The following SIL1 variants were observed in gnomAD, a reference collection of about 807,000 sequenced individuals.
SIL1 encodes the protein SIL1 nucleotide exchange factor.
Under a neutral mutation model 49.1 loss-of-function variants are expected in SIL1, and 40 were observed. That is an observed-to-expected ratio of 0.81 (90% CI 0.63 to 1.06). The LOEUF (loss-of-function observed/expected upper bound fraction) is 1.06, where lower values mean the gene tolerates loss of function less well. SIL1 is among the 50% of genes least tolerant of loss of function. The probability of loss-of-function intolerance (pLI) is 0.00; values close to 1 mark genes in which losing one functional copy is unlikely to be tolerated. For missense variants in SIL1, 500 were observed against 572.6 expected, an observed-to-expected ratio of 0.87 and a Z score of 1.29; for synonymous variants, 253 against 250.8, an observed-to-expected ratio of 1.01 and a Z score of -0.08.
In SIL1 at chr5:139,169,888, C is replaced by CTT. The variant is rs1366590527; in HGVS notation, c.-11+28380_-11+28381insAA. On this transcript the variant is annotated intron_variant, in intron 1 of 9. Transcript: ENST00000394817. ...CTCTTTCCACGGTCTCCCTCTCCCT[C>CTT]TCTCTCCACAGTCTCCCTCTGATGC... Among the ~76,000 whole-genome samples, 245 of 150,256 alleles carry CTT rather than the reference C, an allele frequency of 1.6e-3. 1 individual carries two copies. Among genetic ancestry groups the CTT allele is most frequent in the Middle Eastern group, 7.0e-3 (2 of 286 alleles).
chr5:139,108,444 C>T (rs184646485), intron 3 of SIL1, among the ~76,000 whole-genome samples: 10 of 152,294 alleles, frequency 6.6e-5, no homozygotes, highest in South Asian at 4.1e-4. Context: ...GCAACACAAA[C>T]GGACACCTTG....
intron 7 of SIL1, among the ~76,000 whole-genome samples, chr5:138,987,625 G>A (rs917880481): frequency 4.6e-5 from 7 of 152,050 alleles, no homozygotes; most frequent in Admixed American, 6.5e-5. Context: ...TTCCTGCATA[G>A]CCTGGCTCTC....
intron 1 of SIL1, among the ~76,000 whole-genome samples, chr5:139,168,517 G>C (rs888935088): frequency 1.4e-4 from 22 of 152,140 alleles, no homozygotes; most frequent in Non-Finnish European, 3.1e-4. Flanking sequence ...GATTACAGAG[G>C]TGCAGACAAA....
intron 3 of SIL1, among the ~76,000 whole-genome samples, chr5:139,090,626 T>A (rs1397366246): frequency 6.6e-6 from 1 of 152,142 alleles, no homozygotes; most frequent in African/African-American, 2.4e-5. Flanking sequence ...AGCACTTTCT[T>A]TTTTAGACAG....
intron 1 of SIL1, among the ~76,000 whole-genome samples, chr5:139,171,982 A>C (rs1751781488): frequency 6.6e-6 from 1 of 152,190 alleles, no homozygotes; most frequent in African/African-American, 2.4e-5. Context: ...CACTAGAGGA[A>C]TTCAAAGGCA....
chr5:139,111,476 C>G (rs144876345), intron 3 of SIL1, among the ~76,000 whole-genome samples: 3 of 152,294 alleles, frequency 2.0e-5, no homozygotes, highest in Middle Eastern at 3.4e-3. Context: ...GCTCCAATGA[C>G]CCCACCTCAG....
intron 3 of SIL1, among the ~76,000 whole-genome samples, chr5:139,062,502 C>G (rs1398686298): frequency 6.6e-6 from 1 of 152,106 alleles, no homozygotes; most frequent in Non-Finnish European, 1.5e-5. Flanking sequence ...CCCCAGGGAA[C>G]AGCTACCCTG....
At chr5:139,180,082 G>T (rs563760683) in intron 1 of SIL1, among the ~76,000 whole-genome samples, 1 of 137,202 alleles carries the variant, frequency 7.3e-6, no homozygotes, top group African/African-American at 2.5e-5. Context: ...AAAAAAAGTT[G>T]GCCAGGCACG....
intron 1 of SIL1, among the ~76,000 whole-genome samples, chr5:139,179,377 A>G (rs1313141656): frequency 6.6e-6 from 1 of 152,236 alleles, no homozygotes; most frequent in African/African-American, 2.4e-5. Context: ...CCTTGGATGA[A>G]GCAGAGATGT....
At chr5:138,950,053 G>A (rs1254138553) in intron 9 of SIL1, among the ~76,000 whole-genome samples, 3 of 152,160 alleles carry the variant, frequency 2.0e-5, no homozygotes, top group African/African-American at 7.2e-5. Flanking sequence ...GGCAGCCTCG[G>A]GGCAGCCTTG....
In SIL1 at chr5:139,050,113, TTTGA is replaced by T. The variant is rs1769255447; in HGVS notation, c.353+821_353+824del. 2.9e-5 allele frequency among the ~76,000 whole-genome samples: 4 copies of T among 139,496 alleles called. No individual in the cohort carries two copies. In the South Asian group the frequency reaches 9.7e-4, roughly 34 times the overall value. 91.5% of individuals were successfully genotyped at this position (139,496 alleles called of 152,430 possible). ...TTTCATGAGTCATGAAATACTACCT[TTTGA>T]TTTTTTTCCAACCTTTAAGAAATGT... On this transcript the variant is annotated intron_variant, in intron 4 of 9. Coordinates refer to ENST00000394817, the MANE Select transcript of SIL1 (RefSeq NM_022464.5).
intron 1 of SIL1, among the ~76,000 whole-genome samples, chr5:139,134,486 C>G (rs1185403501): frequency 6.6e-6 from 1 of 152,098 alleles, no homozygotes; most frequent in Non-Finnish European, 1.5e-5. Context: ...ACCCGCAGCC[C>G]ATCAGAGCCA....
At chr5:139,132,599 C>A (rs989568656) in intron 1 of SIL1, among the ~76,000 whole-genome samples, 1 of 152,188 alleles carries the variant, frequency 6.6e-6, no homozygotes, top group Non-Finnish European at 1.5e-5. Flanking sequence ...TGAGGAGAGA[C>A]CTAGGTGAGG....
At chr5:139,005,525 A>C (rs1222172484) in intron 7 of SIL1, among the ~76,000 whole-genome samples, 1 of 142,180 alleles carries the variant, frequency 7.0e-6, no homozygotes, top group Non-Finnish European at 1.5e-5. Context: ...ATATGTATAC[A>C]TGTGCCATGC....
chr5:139,025,770 T>C (rs1407407422), intron 6 of SIL1, among the ~76,000 whole-genome samples: 2 of 152,210 alleles, frequency 1.3e-5, no homozygotes, highest in African/African-American at 2.4e-5. Flanking sequence ...GCTGGAATGC[T>C]CTAATCTAAG....
chr5:139,080,602 A>AC (rs1233594257), intron 3 of SIL1, among the ~76,000 whole-genome samples: 4 of 152,232 alleles, frequency 2.6e-5, no homozygotes, highest in African/African-American at 9.6e-5. Flanking sequence ...AGGGTCTATT[A>AC]CATAAGGAAC....
At chr5:139,133,048 C>T (rs1450263011) in intron 1 of SIL1, among the ~76,000 whole-genome samples, 2 of 103,692 alleles carry the variant, frequency 1.9e-5, no homozygotes, top group African/African-American at 3.9e-5. Flanking sequence ...TGATCAATGG[C>T]CCCTGCATAC....
Position 139,185,897 on chromosome 5 carries a change from G to A in SIL1, c.-11+12372C>T, listed in dbSNP as rs867821777. 3.9e-5 allele frequency among the ~76,000 whole-genome samples: 6 copies of A among 152,388 alleles called. No homozygotes were observed. In the South Asian group the frequency reaches 8.3e-4, roughly 21 times the overall value. On this transcript the variant is annotated intron_variant, in intron 1 of 9. Coordinates refer to ENST00000394817, the MANE Select transcript of SIL1 (RefSeq NM_022464.5). ...ACCTTGCAAAAGGTTCCATGGAGAT[G>A]CAGACTTCCTTCTGGCTATTATACT...
chr5:139,170,123 C>T (rs1751718924), intron 1 of SIL1, among the ~76,000 whole-genome samples: 1 of 152,244 alleles, frequency 6.6e-6, no homozygotes, highest in African/African-American at 2.4e-5. Context: ...CCAGCCTCGG[C>T]CTCCCGAGGT....
Sources: allele counts gnomAD v4.1 joint callset (sites outside exome capture counted in the v4.1 genomes callset), GRCh38; gene constraint gnomAD v4.1.1; transcripts MANE v1.5; gene names NCBI Gene and HGNC (gene_info 2026-07-23, HGNC 2026-07-21).